The following FANCC variants were observed in gnomAD, a reference collection of about 807,000 sequenced individuals.
FANCC encodes the protein Fanconi anemia group C protein.
FANCC carries 55 observed loss-of-function variants against 71.3 expected under a neutral mutation model. The observed-to-expected ratio is 0.77, with a 90% confidence interval of 0.62 to 0.97. The LOEUF (loss-of-function observed/expected upper bound fraction) is 0.97, where lower values mean the gene tolerates loss of function less well. Ranked by LOEUF, FANCC falls within the 50% of genes least tolerant of loss-of-function variation. The pLI, the probability that FANCC is intolerant of heterozygous loss-of-function variation, is 0.00. For synonymous variants in FANCC, 275 were observed against 244.9 expected (o/e 1.12, Z -1.15); for missense variants, 678 against 670.9 (o/e 1.01, Z -0.12).
intron 6 of FANCC, among the ~76,000 whole-genome samples, chr9:95,156,503 T>C (rs1287962672): frequency 1.3e-5 from 2 of 152,212 alleles, no homozygotes; most frequent in East Asian, 1.9e-4. Flanking sequence ...CCCTTATATA[T>C]AGTTTTTAAG....
At chr9:95,220,348 C>T (rs559075154) in intron 4 of FANCC, among the ~76,000 whole-genome samples, 112 of 152,334 alleles carry the variant, frequency 7.4e-4, no homozygotes, top group Admixed American at 6.7e-3. Flanking sequence ...TACCATTTGA[C>T]CTAGCCATCC....
chr9:95,302,029 C>T (rs1242631844), intron 1 of FANCC, among the ~76,000 whole-genome samples: 5 of 130,998 alleles, frequency 3.8e-5, no homozygotes, highest in Admixed American at 9.5e-5. Flanking sequence ...TTGCAGTGAG[C>T]AGAGATGGCG....
chr9:95,309,983 T>A (rs1426652078), intron 1 of FANCC, among the ~76,000 whole-genome samples: 1 of 152,210 alleles, frequency 6.6e-6, no homozygotes, highest in East Asian at 1.9e-4. Context: ...CCTACCTAGC[T>A]GCAAGTGAAC....
intron 10 of FANCC, 49 bp downstream of exon 10, chr9:95,125,037 A>T: frequency 6.7e-7 from 1 of 1,485,664 alleles, no homozygotes; most frequent in African/African-American, 1.4e-5. Context: ...TACTCTCAAC[A>T]GCGTCTTATT....
intron 4 of FANCC, among the ~76,000 whole-genome samples, chr9:95,228,963 G>C (rs1310767497): frequency 1.3e-5 from 2 of 152,150 alleles, no homozygotes; most frequent in East Asian, 3.9e-4. Context: ...CTTTGAATAA[G>C]ACAGGAACCT....
intron 4 of FANCC, among the ~76,000 whole-genome samples, chr9:95,229,693 G>C (rs1829867704): frequency 6.6e-6 from 1 of 152,076 alleles, no homozygotes; most frequent in South Asian, 2.1e-4. Flanking sequence ...ACAGGCAGCT[G>C]AAAATGTGGG....
chr9:95,116,515 G>A (rs116478074), intron 11 of FANCC, among the ~76,000 whole-genome samples: 1 of 152,280 alleles, frequency 6.6e-6, no homozygotes, highest in African/African-American at 2.4e-5. Context: ...AAAAAGGCAG[G>A]CCCAAAATGG....
At chr9:95,171,523 A>C (rs1182778331) in intron 5 of FANCC, among the ~76,000 whole-genome samples, 3 of 152,184 alleles carry the variant, frequency 2.0e-5, no homozygotes, top group Non-Finnish European at 4.4e-5. Flanking sequence ...AACAAACATT[A>C]AAAAATCTCA....
intron 7 of FANCC, among the ~76,000 whole-genome samples, chr9:95,147,961 C>T (rs1048974075): frequency 6.6e-6 from 1 of 152,096 alleles, no homozygotes; most frequent in Non-Finnish European, 1.5e-5. Flanking sequence ...ACTTAAAGTA[C>T]TGAATAACTA....
At chr9:95,115,741 C>T (rs2072351482) in intron 11 of FANCC, among the ~76,000 whole-genome samples, 1 of 152,220 alleles carries the variant, frequency 6.6e-6, no homozygotes, top group South Asian at 2.1e-4. Flanking sequence ...CGCCTCCCTC[C>T]TCTGAACTCC....
chr9:95,107,465 T>A (rs2071541732), intron 13 of FANCC, 196 bp from the exon 14 acceptor site: 1 of 648,008 alleles, frequency 1.5e-6, no homozygotes, highest in South Asian at 1.8e-5. Context: ...TTCTTGACTT[T>A]CTTTCGTCTT....
intron 6 of FANCC, among the ~76,000 whole-genome samples, chr9:95,153,643 T>C (rs1197978911): frequency 6.6e-6 from 1 of 152,208 alleles, no homozygotes; most frequent in African/African-American, 2.4e-5. Context: ...ATATCTATCA[T>C]ATCCTTTGCC....
intron 13 of FANCC, chr9:95,110,927 T>G (rs1317155988): frequency 7.5e-7 from 1 of 1,327,720 alleles, no homozygotes; most frequent in Non-Finnish European, 9.6e-7. Flanking sequence ...ATGACCAACT[T>G]CTTTTTCAGA....
intron 4 of FANCC, among the ~76,000 whole-genome samples, chr9:95,191,757 A>T (rs530074857): frequency 6.6e-6 from 1 of 152,214 alleles, no homozygotes; most frequent in African/African-American, 2.4e-5. Flanking sequence ...TCATCCTTCA[A>T]ATCCTCTCCC....
chr9:95,176,357 A>G (rs575066220), intron 4 of FANCC, among the ~76,000 whole-genome samples: 1 of 152,330 alleles, frequency 6.6e-6, no homozygotes, highest in South Asian at 2.1e-4. Context: ...CTCAAAGTGA[A>G]GCAGCCTGGC....
intron 10 of FANCC, among the ~76,000 whole-genome samples, chr9:95,120,428 T>G (rs1279903185): frequency 6.6e-6 from 1 of 151,934 alleles, no homozygotes; most frequent in East Asian, 1.9e-4. Context: ...TTTTTTTTTT[T>G]TTTTAAGACA....
chr9:95,294,653 T>G, intron 1 of FANCC: 1 of 1,588,346 alleles, frequency 6.3e-7, no homozygotes, highest in South Asian at 1.1e-5. Context: ...AGTTCTGGGT[T>G]TGAAACCCTG....
At chr9:95,294,014 T>C (rs1198327446) in intron 1 of FANCC, 11 of 1,594,826 alleles carry the variant, frequency 6.9e-6, no homozygotes, top group Non-Finnish European at 9.5e-6. Context: ...AATCAAGAGA[T>C]TGAGAAATGT....
At chr9:95,293,856 G>A in intron 1 of FANCC, 1 of 1,610,990 alleles carries the variant, frequency 6.2e-7, no homozygotes, top group East Asian at 2.2e-5. Context: ...GGATGACCAT[G>A]TACAGATGGA....
Sources: gnomAD v4.1 joint callset for allele counts (sites outside exome capture counted in the v4.1 genomes callset) on GRCh38, gnomAD v4.1.1 for gene constraint, MANE v1.5 for transcripts, NCBI Gene and HGNC (gene_info 2026-07-23, HGNC 2026-07-21) for gene names.